Variants in MAF observed in about 807,000 individuals in gnomAD.
The protein encoded by MAF is transcription factor Maf.
A neutral mutation model predicts 22.0 loss-of-function variants in MAF; 10 were observed. The ratio of observed to expected loss-of-function variants is 0.45; its 90% confidence interval spans 0.28 to 0.77. The LOEUF (loss-of-function observed/expected upper bound fraction) is 0.77. MAF is among the 30% of genes least tolerant of loss of function. The pLI is 0.12. For synonymous variants in MAF, 337 were observed against 255.8 expected, an observed-to-expected ratio of 1.32 and a Z score of -3.03; for missense variants, 544 against 548.4, an observed-to-expected ratio of 0.99 and a Z score of 0.08.
At chr16:79,353,482 T>A in the MAF span, among the ~76,000 whole-genome samples, 37 of 152,326 alleles carry the variant, frequency 2.4e-4, no homozygotes, top group Admixed American at 7.8e-4. Flanking sequence ...TAATGGTCCC[T>A]CACACACTTG....
chr16:79,349,244 G>C, the MAF span, among the ~76,000 whole-genome samples: 1 of 152,178 alleles, frequency 6.6e-6, no homozygotes, highest in Non-Finnish European at 1.5e-5. Flanking sequence ...CCCCGAGTCT[G>C]AATCCCATAT....
At chr16:79,453,333 T>A in the MAF span, among the ~76,000 whole-genome samples, 39 of 152,264 alleles carry the variant, frequency 2.6e-4, 1 homozygote, top group East Asian at 7.3e-3. Context: ...TGATACTGGG[T>A]TCCATGCAAC....
the MAF span, among the ~76,000 whole-genome samples, chr16:79,563,414 T>A: frequency 6.6e-6 from 1 of 152,280 alleles, no homozygotes; most frequent in Non-Finnish European, 1.5e-5. Context: ...AAGTACATCT[T>A]TATTGTTGTG....
the MAF span, among the ~76,000 whole-genome samples, chr16:79,437,055 AT>A: frequency 6.6e-6 from 1 of 152,170 alleles, no homozygotes; most frequent in East Asian, 1.9e-4. Context: ...ATGGTCATGT[AT>A]CCCCCACACT....
At chr16:79,411,616 A>G in the MAF span, among the ~76,000 whole-genome samples, 1 of 152,204 alleles carries the variant, frequency 6.6e-6, no homozygotes, top group Non-Finnish European at 1.5e-5. Flanking sequence ...GAATCACCTC[A>G]ATTACAAGTC....
the MAF span, among the ~76,000 whole-genome samples, chr16:79,222,718 T>A: frequency 6.6e-6 from 1 of 152,108 alleles, no homozygotes; most frequent in African/African-American, 2.4e-5. Flanking sequence ...AAAGCAGGGT[T>A]GCAATCCTAG....
At chr16:79,233,782 A>G in the MAF span, among the ~76,000 whole-genome samples, 1 of 152,050 alleles carries the variant, frequency 6.6e-6, no homozygotes, top group Non-Finnish European at 1.5e-5. Flanking sequence ...TCACAAGGTC[A>G]GGAGTTTGAG....
chr16:79,562,032 G>C, the MAF span, among the ~76,000 whole-genome samples: 1 of 152,156 alleles, frequency 6.6e-6, no homozygotes, highest in Non-Finnish European at 1.5e-5. Flanking sequence ...CCACTGGGCA[G>C]CTATTACCTC....
At chr16:79,596,509 T>G (rs1913534442) in intron 1 of MAF, 1 of 1,050,408 alleles carries the variant, frequency 9.5e-7, no homozygotes, top group African/African-American at 1.7e-5. Context: ...TTATTGTAGA[T>G]TATTCTTTTC....
intron 1 of MAF, among the ~76,000 whole-genome samples, chr16:79,586,149 C>A (rs11866012): frequency 6.6e-6 from 1 of 151,954 alleles, no homozygotes; most frequent in Non-Finnish European, 1.5e-5. Context: ...GAATGGCCTG[C>A]GTTACAAGTT....
the MAF span, among the ~76,000 whole-genome samples, chr16:79,552,703 G>C: frequency 3.3e-5 from 5 of 152,142 alleles, no homozygotes; most frequent in African/African-American, 1.2e-4. Flanking sequence ...AGCCGGCCTT[G>C]CTGGGCAGCT....
chr16:79,279,943 G>A, the MAF span, among the ~76,000 whole-genome samples: 1,345 of 152,226 alleles, frequency 8.8e-3, 17 homozygotes, highest in Non-Finnish European at 0.015. Flanking sequence ...GGGCTTGCCC[G>A]GGACACAGTT....
chr16:79,483,650 T>C, the MAF span, among the ~76,000 whole-genome samples: 25 of 152,028 alleles, frequency 1.6e-4, no homozygotes, highest in Non-Finnish European at 2.5e-4. Context: ...TAGCAGCAGA[T>C]GCAAAGATCC....
chr16:79,266,287 A>G, the MAF span, among the ~76,000 whole-genome samples: 4 of 152,304 alleles, frequency 2.6e-5, no homozygotes, highest in African/African-American at 9.6e-5. Context: ...AGAATTTTCC[A>G]TTTAATATTT....
At chr16:79,357,325 C>G in the MAF span, among the ~76,000 whole-genome samples, 1 of 152,016 alleles carries the variant, frequency 6.6e-6, no homozygotes, top group Non-Finnish European at 1.5e-5. Flanking sequence ...TGGCGGGCGC[C>G]TGTAATCCCA....
At chr16:79,228,006 C>A in the MAF span, among the ~76,000 whole-genome samples, 1 of 152,082 alleles carries the variant, frequency 6.6e-6, no homozygotes, top group East Asian at 1.9e-4. Context: ...TGCGCTCAAG[C>A]GATCCTCTCA....
At chr16:79,470,296 C>T in the MAF span, among the ~76,000 whole-genome samples, 12 of 152,158 alleles carry the variant, frequency 7.9e-5, no homozygotes, top group East Asian at 3.9e-4. Flanking sequence ...CCAATGAGGA[C>T]GCCCATCCGC....
chr16:79,511,942 G>A, the MAF span, among the ~76,000 whole-genome samples: 3,023 of 152,250 alleles, frequency 0.02, 88 homozygotes, highest in African/African-American at 0.065. Flanking sequence ...GTCACAGATT[G>A]GCCAGACTGC....
chr16:79,592,380 G>A (rs757684142), downstream of MAF, among the ~76,000 whole-genome samples: 1 of 152,214 alleles, frequency 6.6e-6, no homozygotes, highest in Non-Finnish European at 1.5e-5. Context: ...GTTTGTTCAG[G>A]AGCTGGGGCG....
Sources: gnomAD v4.1 joint callset for allele counts (sites outside exome capture counted in the v4.1 genomes callset) on GRCh38, gnomAD v4.1.1 for gene constraint, MANE v1.5 for transcripts, NCBI Gene and HGNC (gene_info 2026-07-23, HGNC 2026-07-21) for gene names.